Variants in PLD5 observed in about 807,000 individuals in gnomAD.
The protein encoded by PLD5 is inactive phospholipase D5.
A neutral mutation model predicts 61.1 loss-of-function variants in PLD5; 36 were observed. That is an observed-to-expected ratio of 0.59 (90% CI 0.45 to 0.78). PLD5 has a LOEUF of 0.78. Ranked by LOEUF, PLD5 falls within the 30% of genes least tolerant of loss-of-function variation. PLD5 has a pLI of 0.00. For synonymous variants in PLD5, 243 were observed against 242.8 expected (o/e 1.00, Z -0.01); for missense variants, 515 against 644.4 (o/e 0.80, Z 2.17).
At chr1:242,101,831 C>G (rs190380218) in intron 8 of PLD5, among the ~76,000 whole-genome samples, 2 of 152,312 alleles carry the variant, frequency 1.3e-5, no homozygotes, top group African/African-American at 4.8e-5. Flanking sequence ...TCCCTTCTAG[C>G]CACAAAAGTT....
intron 5 of PLD5, among the ~76,000 whole-genome samples, chr1:242,166,511 A>C (rs1666315502): frequency 6.6e-6 from 1 of 151,870 alleles, no homozygotes; most frequent in East Asian, 1.9e-4. Flanking sequence ...AGCACTGCAT[A>C]CCTCCAGGCT....
At chr1:242,269,501 GC>G (rs961412621) in intron 3 of PLD5, among the ~76,000 whole-genome samples, 1 of 150,934 alleles carries the variant, frequency 6.6e-6, no homozygotes, top group Non-Finnish European at 1.5e-5. Context: ...CAATGGCTGG[GC>G]CCAGGAATCA....
Position 242,088,831 on chromosome 1 carries a change from T to A in PLD5, c.*1023A>T, listed in dbSNP as rs1659600368. The A allele has an allele frequency of 6.6e-6, 1 of 152,666 alleles. No individual in the cohort carries two copies. The highest frequency in any genetic ancestry group is 1.5e-5 in the Non-Finnish European group (1 of 68,358). 9.5% of individuals were successfully genotyped at this position (152,666 alleles called of 1,614,324 possible). On this transcript the variant is annotated 3_prime_UTR_variant, in exon 10 of 10. Coordinates refer to ENST00000536534, the MANE Select transcript of PLD5 (RefSeq NM_001372062.1). Reference sequence around the variant, plus strand: ...ATTTCTCTGAAAAGCATTTGGTATATTAAATAGCAGAAGGTATATTAAATA... The same window carrying A: ...ATTTCTCTGAAAAGCATTTGGTATAATAAATAGCAGAAGGTATATTAAATA...
chr1:242,369,092 G>A (rs1366013001), intron 1 of PLD5, among the ~76,000 whole-genome samples: 2 of 152,148 alleles, frequency 1.3e-5, no homozygotes, highest in African/African-American at 4.8e-5. Flanking sequence ...GCATCCATCA[G>A]ATCAAAGTTC....
At chr1:242,232,555 A>C (rs560537012) in intron 4 of PLD5, among the ~76,000 whole-genome samples, 1 of 152,282 alleles carries the variant, frequency 6.6e-6, no homozygotes, top group African/African-American at 2.4e-5. Flanking sequence ...GAAGGAAAAA[A>C]ATCATCAAGT....
intron 1 of PLD5, among the ~76,000 whole-genome samples, chr1:242,394,487 T>C (rs1396673767): frequency 1.1e-5 from 1 of 91,694 alleles, no homozygotes; most frequent in South Asian, 4.4e-4. Context: ...TGTATATATG[T>C]GAACATATAT....
chr1:242,148,918 T>C (rs1414162241), intron 5 of PLD5, among the ~76,000 whole-genome samples: 2 of 151,834 alleles, frequency 1.3e-5, no homozygotes, highest in Admixed American at 6.6e-5. Flanking sequence ...AACTTTTTAA[T>C]AGATTCTTTG....
At chr1:242,265,263 ATTATT>A in intron 4 of PLD5, 69 bp downstream of exon 4, 7 of 1,503,898 alleles carry the variant, frequency 4.7e-6, no homozygotes, top group African/African-American at 1.4e-5. Context: ...GAAATTATAT[ATTATT>A]TTAAGTGAAA....
intron 1 of PLD5, among the ~76,000 whole-genome samples, chr1:242,515,401 T>A (rs772126991): frequency 1.3e-5 from 2 of 152,150 alleles, no homozygotes; most frequent in African/African-American, 4.8e-5. Context: ...TTAGTAGAGA[T>A]GAGGTTTCAC....
chr1:242,508,146 C>T (rs1668786901), intron 1 of PLD5, among the ~76,000 whole-genome samples: 1 of 151,178 alleles, frequency 6.6e-6, no homozygotes, highest in African/African-American at 2.4e-5. Flanking sequence ...GGCGGATCAC[C>T]TGAGGTCAGG....
intron 5 of PLD5, among the ~76,000 whole-genome samples, chr1:242,198,736 CATTATT>C (rs142734773): frequency 0.018 from 2,635 of 146,734 alleles, 92 homozygotes; most frequent in African/African-American, 0.063. Context: ...TAAAATATCT[CATTATT>C]ATTATTATTT....
intron 5 of PLD5, among the ~76,000 whole-genome samples, chr1:242,173,151 A>G (rs1666870302): frequency 6.6e-6 from 1 of 152,158 alleles, no homozygotes; most frequent in Non-Finnish European, 1.5e-5. Flanking sequence ...ATATCTAGAA[A>G]ACCCCATCGT....
chr1:242,458,241 T>C (rs1295819121), intron 1 of PLD5, among the ~76,000 whole-genome samples: 1 of 152,244 alleles, frequency 6.6e-6, no homozygotes, highest in Non-Finnish European at 1.5e-5. Flanking sequence ...GACAAATTAA[T>C]ATGGAAAGAT....
intron 1 of PLD5, among the ~76,000 whole-genome samples, chr1:242,385,257 A>C (rs192823105): frequency 6.6e-6 from 1 of 152,176 alleles, no homozygotes; most frequent in African/African-American, 2.4e-5. Context: ...TTATTCTAAA[A>C]TGTTGGGGAA....
chr1:242,227,337 C>T (rs928966852), intron 4 of PLD5, among the ~76,000 whole-genome samples: 9 of 151,792 alleles, frequency 5.9e-5, no homozygotes, highest in Non-Finnish European at 1.5e-5. Flanking sequence ...GGCATAAGCA[C>T]CACACCTGGC....
intron 1 of PLD5, among the ~76,000 whole-genome samples, chr1:242,459,164 C>T (rs1667034403): frequency 6.6e-6 from 1 of 152,130 alleles, no homozygotes; most frequent in Admixed American, 6.5e-5. Context: ...ATTACAAATG[C>T]AATGTGATTG....
intron 1 of PLD5, among the ~76,000 whole-genome samples, chr1:242,415,511 ATTTT>A (rs397860268): frequency 2.3e-5 from 3 of 129,838 alleles, no homozygotes; most frequent in African/African-American, 3.0e-5. Flanking sequence ...AGCCATAAAG[ATTTT>A]TTTTTTTTTT....
At chr1:242,402,243 TCA>T (rs1286315515) in intron 1 of PLD5, among the ~76,000 whole-genome samples, 13 of 152,316 alleles carry the variant, frequency 8.5e-5, no homozygotes, top group Middle Eastern at 3.4e-3. Flanking sequence ...ATAAGATTAT[TCA>T]CAGTTTTATC....
intron 1 of PLD5, among the ~76,000 whole-genome samples, chr1:242,470,401 T>C (rs1018925314): frequency 2.7e-5 from 4 of 148,910 alleles, no homozygotes; most frequent in Non-Finnish European, 4.5e-5. Flanking sequence ...GAAAGAAAAT[T>C]GGGAAAGGCT....
Sources: gnomAD v4.1 joint callset for allele counts (sites outside exome capture counted in the v4.1 genomes callset) on GRCh38, gnomAD v4.1.1 for gene constraint, MANE v1.5 for transcripts, NCBI Gene and HGNC (gene_info 2026-07-23, HGNC 2026-07-21) for gene names.